The following M1AP variants were observed in gnomAD, a reference collection of about 807,000 sequenced individuals.
The protein encoded by M1AP is meiosis 1 associated protein.
A neutral mutation model predicts 51.2 loss-of-function variants in M1AP; 39 were observed. That is an observed-to-expected ratio of 0.76 (90% confidence interval 0.59 to 1.00). The LOEUF is 1.00. Among genes scored for constraint, M1AP ranks in the 50% least tolerant of loss-of-function variants. The pLI, the probability that M1AP is intolerant of heterozygous loss-of-function variation, is 0.00. For missense variants in M1AP, 545 were observed against 641.2 expected (o/e 0.85, Z 1.62); for synonymous variants, 251 against 249.2 (o/e 1.01, Z -0.07).
intron 4 of M1AP, among the ~76,000 whole-genome samples, chr2:74,600,922 A>C (rs887302119): frequency 2.1e-4 from 32 of 152,238 alleles, no homozygotes; most frequent in African/African-American, 7.7e-4. Context: ...TAGAGCTTGA[A>C]ATTTTCTCAG....
intron 7 of M1AP, among the ~76,000 whole-genome samples, chr2:74,571,194 G>A (rs1678718868): frequency 6.6e-6 from 1 of 152,214 alleles, no homozygotes; most frequent in South Asian, 2.1e-4. Context: ...GGTGAGACAA[G>A]CAGTGGGAAC....
At chr2:74,612,986 T>TC (rs1214985991) in intron 3 of M1AP, among the ~76,000 whole-genome samples, 1 of 151,968 alleles carries the variant, frequency 6.6e-6, no homozygotes, top group Non-Finnish European at 1.5e-5. Flanking sequence ...AGTTTTTTTT[T>TC]CTCTTTGCTT....
chr2:74,621,798 A>G (rs1012071646), intron 2 of M1AP, among the ~76,000 whole-genome samples: 15 of 148,016 alleles, frequency 1.0e-4, no homozygotes, highest in African/African-American at 3.8e-4. Context: ...GTCTCAAAAA[A>G]CAAACAAACA....
chr2:74,624,071 A>G (rs1017042471), intron 2 of M1AP, among the ~76,000 whole-genome samples: 3 of 152,222 alleles, frequency 2.0e-5, no homozygotes, highest in South Asian at 2.1e-4. Context: ...TGTATCATCT[A>G]TCTATAGAGT....
At chr2:74,614,898 A>G in intron 3 of M1AP, 66 bp downstream of exon 3, 1 of 1,409,796 alleles carries the variant, frequency 7.1e-7, no homozygotes, top group Non-Finnish European at 1.0e-6. Context: ...TAAAGATGAT[A>G]AACAATGACC....
rs200495200 is a variant in M1AP at position 74,579,782 on chromosome 2, C to CT, written c.769+1891dup. On this transcript the variant is annotated intron_variant, in intron 5 of 10. Transcript: ENST00000421985. ...ATGTTTAACGGGCAATGTCTTCTTT[C>CT]TTTTTTTTAAAAAAAAATCTTTATT... is the stretch of plus-strand genomic sequence containing the variant. Among the ~76,000 whole-genome samples, 314 of 151,780 alleles carry CT rather than the reference C, an allele frequency of 2.1e-3. 9 individuals carry two copies. The East Asian group carries it at 0.05, about 24-fold the overall frequency.
At chr2:74,619,155 C>A (rs1681856558) in intron 2 of M1AP, 1 of 261,414 alleles carries the variant, frequency 3.8e-6, no homozygotes, top group East Asian at 1.0e-4. Context: ...AAATGTCTTC[C>A]CTCCTTCCTC....
intron 2 of M1AP, among the ~76,000 whole-genome samples, chr2:74,623,978 T>A (rs1464469371): frequency 2.6e-5 from 4 of 152,238 alleles, no homozygotes; most frequent in African/African-American, 9.6e-5. Context: ...GCCTACAATA[T>A]ACTGTTAATT....
At chr2:74,560,498 G>A (rs1202434271) in intron 8 of M1AP, among the ~76,000 whole-genome samples, 2 of 152,194 alleles carry the variant, frequency 1.3e-5, no homozygotes, top group Admixed American at 6.5e-5. Context: ...GATAGGAGAA[G>A]TAGGAACAAC....
intron 7 of M1AP, among the ~76,000 whole-genome samples, chr2:74,570,766 C>A (rs1193874876): frequency 6.6e-6 from 1 of 152,088 alleles, no homozygotes; most frequent in Admixed American, 6.5e-5. Context: ...TAAGGTGGGA[C>A]CTTGAATATT....
intron 7 of M1AP, among the ~76,000 whole-genome samples, chr2:74,571,714 C>T (rs1440763945): frequency 1.3e-5 from 2 of 151,938 alleles, no homozygotes; most frequent in African/African-American, 4.8e-5. Flanking sequence ...CACTGTTTTG[C>T]GGCCAGGCAC....
intron 3 of M1AP, among the ~76,000 whole-genome samples, chr2:74,608,353 T>C (rs1681138006): frequency 6.6e-6 from 1 of 152,230 alleles, no homozygotes; most frequent in African/African-American, 2.4e-5. Flanking sequence ...CCTTTTCAAA[T>C]TGGCTTCTTT....
intron 3 of M1AP, among the ~76,000 whole-genome samples, chr2:74,614,013 C>T (rs1681520893): frequency 6.6e-6 from 1 of 152,236 alleles, no homozygotes; most frequent in Non-Finnish European, 1.5e-5. Context: ...TCTTGAACTC[C>T]TGGCCTCAAG....
intron 5 of M1AP, among the ~76,000 whole-genome samples, chr2:74,579,790 T>TA (rs898353916): frequency 1.1e-4 from 17 of 151,678 alleles, no homozygotes; most frequent in Middle Eastern, 3.4e-3. Context: ...TTCTTTTTTT[T>TA]AAAAAAAAAT....
intron 2 of M1AP, among the ~76,000 whole-genome samples, chr2:74,634,603 A>C (rs555612678): frequency 6.6e-6 from 1 of 152,264 alleles, no homozygotes; most frequent in South Asian, 2.1e-4. Context: ...TATGCTGAGG[A>C]GTACTAAGAG....
chr2:74,611,780 C>T (rs936452063), intron 3 of M1AP, among the ~76,000 whole-genome samples: 1 of 148,432 alleles, frequency 6.7e-6, no homozygotes, highest in Non-Finnish European at 1.5e-5. Flanking sequence ...TGCGGTGAGC[C>T]GAGATTACGC....
At chr2:74,647,571 A>T in intron 1 of M1AP, 2 of 213,896 alleles carry the variant, frequency 9.4e-6, no homozygotes, top group Non-Finnish European at 1.6e-5. Context: ...ACTTTCTTTG[A>T]CTTCATGGGT....
rs891788110 is a variant in M1AP, at chr2:74,620,487, G to A, written c.241-5338C>T. Among the ~76,000 whole-genome samples, 73 of 152,230 alleles carry A rather than the reference G, an allele frequency of 4.8e-4. 1 individual carries two copies. Among genetic ancestry groups the A allele is most frequent in the Non-Finnish European group, 7.1e-4 (48 of 68,036 alleles). On this transcript the variant is annotated intron_variant, in intron 2 of 10. Coordinates refer to ENST00000421985, the MANE Select transcript of M1AP (RefSeq NM_001321739.2). ...ACCAAATGCTCTGTGGGAATGTTGA[G>A]TGCATTCATTCATTGGAGAATGTGA... is the stretch of plus-strand genomic sequence containing the variant.
intron 7 of M1AP, among the ~76,000 whole-genome samples, chr2:74,566,510 C>G (rs1678389196): frequency 6.6e-6 from 1 of 152,102 alleles, no homozygotes; most frequent in Non-Finnish European, 1.5e-5. Flanking sequence ...GGAGAACATT[C>G]AGTCATTTAT....
Sources: gnomAD v4.1 joint callset for allele counts (sites outside exome capture counted in the v4.1 genomes callset) on GRCh38, gnomAD v4.1.1 for gene constraint, MANE v1.5 for transcripts, NCBI Gene and HGNC (gene_info 2026-07-23, HGNC 2026-07-21) for gene names.